The following EIF3H variants were observed in gnomAD, a reference collection of about 807,000 sequenced individuals.
EIF3H encodes eukaryotic translation initiation factor 3 subunit H.
Under a neutral mutation model 44.2 loss-of-function variants are expected in EIF3H, and 26 were observed. That is an observed-to-expected ratio of 0.59 (90% CI 0.43 to 0.82). The LOEUF is 0.82. EIF3H is among the 40% of genes least tolerant of loss of function. The pLI, the probability that EIF3H is intolerant of heterozygous loss-of-function variation, is 0.00. For synonymous variants in EIF3H, 166 were observed against 151.9 expected (o/e 1.09, Z -0.68); for missense variants, 359 against 432.8 (o/e 0.83, Z 1.51).
At chr8:116,691,592 AG>A (rs1302724627) in intron 2 of EIF3H, among the ~76,000 whole-genome samples, 1 of 151,870 alleles carries the variant, frequency 6.6e-6, no homozygotes, top group Non-Finnish European at 1.5e-5. Flanking sequence ...ATGCCCTTTT[AG>A]GCCAGGCACA....
Position 116,719,620 on chromosome 8 carries a change from T to C in EIF3H, c.289+6396A>G, listed in dbSNP as rs558508012. ...TGAGGAGTAAATGGTTGTCAGAAAA[T>C]TTATGAATATTTTTAAAATTCTCAT... On this transcript the variant is annotated intron_variant, in intron 2 of 7. Transcript: ENST00000521861. Among the ~76,000 whole-genome samples, 12 of 152,042 alleles carry C rather than the reference T, an allele frequency of 7.9e-5. No individual in the cohort carries two copies. In the South Asian group the frequency reaches 1.2e-3, roughly 16 times the overall value.
In EIF3H at chr8:116,716,743, T is replaced by C. The variant is rs189660801; in HGVS notation, c.289+9273A>G. 9.2e-5 allele frequency among the ~76,000 whole-genome samples: 14 copies of C among 152,210 alleles called. No individual in the cohort carries two copies. In the East Asian group the frequency reaches 2.7e-3, roughly 29 times the overall value. On this transcript the variant is annotated intron_variant, in intron 2 of 7. Transcript: ENST00000521861. ...GCGGGAATGAAGCCATTAAAAAATA[T>C]GTGAATGGGCATCACCGTGTCCCTA...
intron 7 of EIF3H, among the ~76,000 whole-genome samples, chr8:116,645,740 T>C (rs1813285243): frequency 6.6e-6 from 1 of 152,214 alleles, no homozygotes; most frequent in Non-Finnish European, 1.5e-5. Flanking sequence ...TTTCCAAATT[T>C]AATTTGTATG....
intron 2 of EIF3H, among the ~76,000 whole-genome samples, chr8:116,670,294 C>T (rs1357598506): frequency 2.0e-5 from 3 of 152,116 alleles, no homozygotes; most frequent in Non-Finnish European, 4.4e-5. Flanking sequence ...GGGGAGAATG[C>T]GGAGGTGAGG....
intron 2 of EIF3H, among the ~76,000 whole-genome samples, chr8:116,678,994 G>C (rs1216774127): frequency 2.5e-5 from 2 of 81,324 alleles, no homozygotes; most frequent in Non-Finnish European, 7.0e-5. Context: ...GGGAGGTGGG[G>C]GGGTCAGCCC....
upstream of EIF3H, among the ~76,000 whole-genome samples, chr8:116,757,345 C>T (rs1359002089): frequency 6.6e-6 from 1 of 152,132 alleles, no homozygotes; most frequent in Non-Finnish European, 1.5e-5. Flanking sequence ...ATCACCTTGA[C>T]AAGAAAGGGC....
In EIF3H at chr8:116,701,608, G is replaced by C. The variant is rs540071116; in HGVS notation, c.289+24408C>G. On this transcript the variant is annotated intron_variant, in intron 2 of 7. Transcript: ENST00000521861. Reference sequence around the variant, plus strand: ...AACATCATCATCATTAAGACATGTTGAGATGATGCAATGAAAGGGCCAATT... The same window carrying C: ...AACATCATCATCATTAAGACATGTTCAGATGATGCAATGAAAGGGCCAATT... 2.0e-5 allele frequency among the ~76,000 whole-genome samples: 3 copies of C among 152,266 alleles called. No homozygotes were observed. In the East Asian group the frequency reaches 5.8e-4, roughly 29 times the overall value.
intron 2 of EIF3H, among the ~76,000 whole-genome samples, chr8:116,722,868 A>T (rs1210607475): frequency 6.6e-6 from 1 of 152,184 alleles, no homozygotes; most frequent in African/African-American, 2.4e-5. Flanking sequence ...TTCTTATTCC[A>T]TGTGAAACTT....
intron 1 of EIF3H, among the ~76,000 whole-genome samples, chr8:116,733,913 T>C (rs1011215006): frequency 2.0e-5 from 3 of 152,194 alleles, no homozygotes; most frequent in African/African-American, 7.2e-5. Context: ...AAAAATTTAA[T>C]CCAGGAGAGG....
At chr8:116,760,014 A>C (rs751026681), upstream of EIF3H, among the ~76,000 whole-genome samples, 1 of 152,224 alleles carries the variant, frequency 6.6e-6, no homozygotes, top group South Asian at 2.1e-4. Flanking sequence ...TATGGGTGCG[A>C]GCCACCATGC....
At chr8:116,657,063 A>G (rs1813502744) in intron 4 of EIF3H, 152 bp downstream of exon 4, 1 of 680,034 alleles carries the variant, frequency 1.5e-6, no homozygotes, top group Non-Finnish European at 2.6e-6. Context: ...ATGGAAAGGG[A>G]GAGAGCAAGC....
intron 5 of EIF3H, among the ~76,000 whole-genome samples, chr8:116,649,895 A>C (rs1329346016): frequency 6.6e-6 from 1 of 152,212 alleles, no homozygotes; most frequent in African/African-American, 2.4e-5. Context: ...TGAGTCAGCT[A>C]TGCCAAAAAT....
At chr8:116,730,044 T>G (rs1369257559) in intron 1 of EIF3H, among the ~76,000 whole-genome samples, 2 of 152,208 alleles carry the variant, frequency 1.3e-5, no homozygotes, top group Non-Finnish European at 2.9e-5. Flanking sequence ...AAAATCACTA[T>G]TATCAAAACT....
chr8:116,697,373 T>C (rs1814287044), intron 2 of EIF3H: 2 of 365,850 alleles, frequency 5.5e-6, no homozygotes, highest in Middle Eastern at 7.6e-4. Context: ...CCAACCCAAT[T>C]GCTGGTCAGT....
intron 1 of EIF3H, among the ~76,000 whole-genome samples, chr8:116,745,913 T>A (rs963191754): frequency 6.6e-6 from 1 of 150,852 alleles, no homozygotes; most frequent in Non-Finnish European, 1.5e-5. Context: ...AGAGCAAGAC[T>A]CTGTCTCAAA....
chr8:116,724,855 C>G (rs1179103346), intron 2 of EIF3H, among the ~76,000 whole-genome samples: 6 of 151,982 alleles, frequency 3.9e-5, no homozygotes, highest in Non-Finnish European at 7.4e-5. Context: ...AATGGTGCAG[C>G]TGCTATTAAA....
intron 2 of EIF3H, among the ~76,000 whole-genome samples, chr8:116,683,187 T>G (rs1157812501): frequency 2.0e-5 from 3 of 152,220 alleles, no homozygotes; most frequent in African/African-American, 7.2e-5. Flanking sequence ...TCATACATAT[T>G]TGCTCCAATT....
At chr8:116,733,456 T>A (rs140504824) in intron 1 of EIF3H, among the ~76,000 whole-genome samples, 72 of 152,260 alleles carry the variant, frequency 4.7e-4, no homozygotes, top group African/African-American at 1.7e-3. Context: ...AATCACCTCA[T>A]TAGCATTAAC....
intron 1 of EIF3H, among the ~76,000 whole-genome samples, chr8:116,728,855 G>C (rs1814900030): frequency 6.6e-6 from 1 of 152,140 alleles, no homozygotes; most frequent in African/African-American, 2.4e-5. Context: ...CTATTTCATA[G>C]CATTACTGAC....
Sources: allele counts gnomAD v4.1 joint callset (sites outside exome capture counted in the v4.1 genomes callset), GRCh38; gene constraint gnomAD v4.1.1; transcripts MANE v1.5; gene names NCBI Gene and HGNC (gene_info 2026-07-23, HGNC 2026-07-21).